The following SUZ12 variants were observed in gnomAD, a reference collection of about 807,000 sequenced individuals.
SUZ12 encodes SUZ12 polycomb repressive complex 2 subunit.
A neutral mutation model predicts 87.3 loss-of-function variants in SUZ12; 17 were observed. That is an observed-to-expected ratio of 0.19 (90% CI 0.13 to 0.29). The LOEUF is 0.29. Among genes scored for constraint, SUZ12 ranks in the 10% least tolerant of loss-of-function variants. The pLI is 1.00. For missense variants in SUZ12, 526 were observed against 912.2 expected (o/e 0.58, Z 5.45); for synonymous variants, 253 against 312.4 (o/e 0.81, Z 2.01).
intron 9 of SUZ12, among the ~76,000 whole-genome samples, chr17:31,984,671 C>G (rs941781686): frequency 6.6e-6 from 1 of 152,062 alleles, no homozygotes; most frequent in Admixed American, 6.6e-5. Context: ...GTCAAGGACT[C>G]TCACGCAGTT....
In SUZ12 at chr17:31,973,141, T is replaced by C; in HGVS notation, c.506-5T>C. The C allele has an allele frequency of 6.5e-7, 1 of 1,530,874 alleles. No individual in the cohort carries two copies. Among genetic ancestry groups the C allele is most frequent in the Non-Finnish European group, 8.8e-7 (1 of 1,139,726 alleles). 94.8% of individuals were successfully genotyped at this position (1,530,874 alleles called of 1,614,324 possible). A position where few individuals can be genotyped will look rare whatever the true frequency, so the allele number is the denominator to read the frequency against. On this transcript the variant is annotated splice_polypyrimidine_tract_variant and splice_region_variant and intron_variant, in intron 5 of 15. Transcript: ENST00000322652. ...TATATTTTAAAATACTGATTTTCTA[T>C]TTAGATAAGCCATCACCAAACTCAG... is the stretch of plus-strand genomic sequence containing the variant.
chr17:31,987,697 G>A (rs1168157881), intron 9 of SUZ12, among the ~76,000 whole-genome samples: 1 of 152,088 alleles, frequency 6.6e-6, no homozygotes, highest in African/African-American at 2.4e-5. Flanking sequence ...TTGGGAGGCC[G>A]AGGCAGGCAA....
intron 8 of SUZ12, among the ~76,000 whole-genome samples, chr17:31,977,238 T>G (rs570250363): frequency 6.6e-6 from 1 of 151,510 alleles, no homozygotes; most frequent in African/African-American, 2.4e-5. Flanking sequence ...ATCATGCCAC[T>G]GTACTCTGGC....
intron 15 of SUZ12, among the ~76,000 whole-genome samples, chr17:31,997,867 G>A (rs1278103522): frequency 6.6e-6 from 1 of 151,972 alleles, no homozygotes; most frequent in Non-Finnish European, 1.5e-5. Context: ...AGAATAAAAC[G>A]TGGCTTTTTG....
At chr17:31,973,382 C>A in intron 6 of SUZ12, 151 bp downstream of exon 6, 1 of 546,484 alleles carries the variant, frequency 1.8e-6, no homozygotes, top group Non-Finnish European at 3.2e-6. Context: ...CTGATAACCT[C>A]TTTTGCCAAC....
At chr17:31,949,660 G>C (rs1194391744) in intron 4 of SUZ12, among the ~76,000 whole-genome samples, 99 of 5,360 alleles carry the variant, frequency 0.018, no homozygotes, top group East Asian at 0.033. Context: ...ACCACACCCA[G>C]CCCCCCCCCC....
At chr17:31,977,031 T>C (rs1395248853) in intron 8 of SUZ12, among the ~76,000 whole-genome samples, 2 of 152,220 alleles carry the variant, frequency 1.3e-5, no homozygotes, top group Admixed American at 6.5e-5. Context: ...TTTAGAGAGA[T>C]ATCCTCTGGG....
chr17:31,973,728 T>A (rs994138876), intron 6 of SUZ12, among the ~76,000 whole-genome samples: 7 of 152,180 alleles, frequency 4.6e-5, no homozygotes, highest in African/African-American at 1.4e-4. Flanking sequence ...AGTGTTAAGA[T>A]GTTTCCTGGT....
At chr17:31,938,447 A>G (rs1906070802) in intron 1 of SUZ12, among the ~76,000 whole-genome samples, 1 of 152,338 alleles carries the variant, frequency 6.6e-6, no homozygotes, top group South Asian at 2.1e-4. Flanking sequence ...TGTTAAGGGC[A>G]TGGTATCAGC....
At chr17:31,974,530 C>T (rs1308164310) in intron 6 of SUZ12, among the ~76,000 whole-genome samples, 1 of 152,156 alleles carries the variant, frequency 6.6e-6, no homozygotes. Flanking sequence ...ACCTAACCTC[C>T]ATACACATTA....
chr17:31,954,613 A>G (rs1598155059), intron 4 of SUZ12, among the ~76,000 whole-genome samples: 1 of 152,168 alleles, frequency 6.6e-6, no homozygotes. Context: ...CATTTAATAA[A>G]TATGAAATAA....
intron 5 of SUZ12, among the ~76,000 whole-genome samples, chr17:31,969,062 C>T (rs1260766333): frequency 6.6e-6 from 1 of 152,218 alleles, no homozygotes; most frequent in African/African-American, 2.4e-5. Flanking sequence ...ACTGCAGCCT[C>T]TGCCTCCAGG....
In SUZ12 at chr17:31,956,069, C is replaced by A. The variant is rs183868061; in HGVS notation, c.455+8384C>A. 4.8e-3 allele frequency among the ~76,000 whole-genome samples: 727 copies of A among 151,996 alleles called. 6 individuals carry two copies. The highest frequency in any genetic ancestry group is 0.017 in the African/African-American group (704 of 41,484). On this transcript the variant is annotated intron_variant, in intron 4 of 15. Coordinates refer to ENST00000322652, the MANE Select transcript of SUZ12 (RefSeq NM_015355.4). ...CTAGGACTATAGGCGCCTGCCACCA[C>A]GCCCGGCTAATTTTTTGTATTTTTT... is the stretch of plus-strand genomic sequence containing the variant.
At chr17:31,952,558 C>T (rs889707543) in intron 4 of SUZ12, among the ~76,000 whole-genome samples, 4 of 151,860 alleles carry the variant, frequency 2.6e-5, no homozygotes, top group Non-Finnish European at 4.4e-5. Context: ...TTGGAATTAT[C>T]TTTTTTTTGT....
rs757224782 is a variant in SUZ12 at position 31,993,232 on chromosome 17, A to G, written c.1202-10A>G. 2 of 1,541,812 alleles carry G rather than the reference A, an allele frequency of 1.3e-6. No individual in the cohort carries two copies. Among genetic ancestry groups the G allele is most frequent in the Admixed American group, 4.6e-5 (2 of 43,858 alleles). ...ATGTTTTTATTGAATATAAAAGTGT[A>G]TGTTTTCAGCTGTTAAAGAATCATT... On this transcript the variant is annotated splice_polypyrimidine_tract_variant and intron_variant, in intron 10 of 15. Transcript: ENST00000322652.
chr17:31,989,765 A>AT (rs568524946), intron 10 of SUZ12, among the ~76,000 whole-genome samples: 10,644 of 129,798 alleles, frequency 0.082, 846 homozygotes, highest in African/African-American at 0.21. Context: ...CGACCAGCTA[A>AT]TTTTTTTTTT....
At chr17:31,995,345 A>G (rs1046831508) in intron 13 of SUZ12, among the ~76,000 whole-genome samples, 47 of 152,226 alleles carry the variant, frequency 3.1e-4, no homozygotes, top group African/African-American at 8.7e-4. Flanking sequence ...TTTCACACCC[A>G]GAAAGACAGT....
intron 4 of SUZ12, among the ~76,000 whole-genome samples, chr17:31,949,353 G>T (rs950684895): frequency 2.0e-5 from 3 of 152,092 alleles, no homozygotes; most frequent in Non-Finnish European, 4.4e-5. Context: ...TTTTGGAAGA[G>T]AATTTTTTGA....
Position 31,937,120 on chromosome 17 carries a change from C to A in SUZ12, c.-127C>A. ...TCCTCCTCCCTTCCCTTCCCCTCTC[C>A]TCCCCTCTCTCCTCCTTCCCCCCTC... On this transcript the variant is annotated 5_prime_UTR_variant, in exon 1 of 16. Coordinates refer to ENST00000322652, the MANE Select transcript of SUZ12 (RefSeq NM_015355.4). The A allele has an allele frequency of 1.3e-6, 1 of 789,282 alleles. No homozygotes were observed. The highest frequency in any genetic ancestry group is 1.8e-6 in the Non-Finnish European group (1 of 556,654). 48.9% of individuals were successfully genotyped at this position (789,282 alleles called of 1,614,324 possible).
Sources: allele counts gnomAD v4.1 joint callset (sites outside exome capture counted in the v4.1 genomes callset), GRCh38; gene constraint gnomAD v4.1.1; transcripts MANE v1.5; gene names NCBI Gene and HGNC (gene_info 2026-07-23, HGNC 2026-07-21).